BRIP1: variants seen among roughly 807,000 people sequenced by gnomAD.
The protein encoded by BRIP1 is BRCA1 interacting DNA helicase 1.
Under a neutral mutation model 119.7 loss-of-function variants are expected in BRIP1, and 88 were observed. The observed-to-expected ratio is 0.74, with a 90% CI of 0.62 to 0.88. The LOEUF (loss-of-function observed/expected upper bound fraction) is 0.88. Ranked by LOEUF, BRIP1 falls within the 40% of genes least tolerant of loss-of-function variation. BRIP1 has a pLI of 0.00. For synonymous variants in BRIP1, 443 were observed against 496.5 expected (o/e 0.89, Z 1.43); for missense variants, 1,259 against 1,455.4 (o/e 0.87, Z 2.20).
chr17:61,765,424 T>TA (rs71150697), intron 14 of BRIP1, among the ~76,000 whole-genome samples: 8 of 8,624 alleles, frequency 9.3e-4, no homozygotes, highest in African/African-American at 2.0e-3. Flanking sequence ...TATATATATA[T>TA]TTTTTTTTTT....
chr17:61,797,163 A>C (rs1198096333), intron 9 of BRIP1, among the ~76,000 whole-genome samples: 1 of 152,026 alleles, frequency 6.6e-6, no homozygotes, highest in Admixed American at 6.6e-5. Context: ...CCAGTACTGA[A>C]GATTATATTC....
At position 61,753,057 on chromosome 17, in the gene BRIP1, G is replaced by C. The variant is rs1322188637; in HGVS notation, c.2098-8466C>G. ...CTCATGAATGGATTTGTCCAGTCATGTATTAATGGCTTATCATGGGAGTGG... is the reference window on the plus strand; with the variant it reads ...CTCATGAATGGATTTGTCCAGTCATCTATTAATGGCTTATCATGGGAGTGG... On this transcript the variant is annotated intron_variant, in intron 14 of 19. Coordinates refer to ENST00000259008, the MANE Select transcript of BRIP1 (RefSeq NM_032043.3). This position sits in a 1 kb window ranked among gnomAD's most constrained non-coding sequence, Gnocchi z 4.6. Among the ~76,000 whole-genome samples the C allele has an allele frequency of 6.6e-6, 1 of 152,116 alleles. No homozygotes were observed. Among genetic ancestry groups the C allele is most frequent in the Non-Finnish European group, 1.5e-5 (1 of 68,028 alleles).
Position 61,776,118 on chromosome 17 carries a change from G to T in BRIP1, c.2097+283C>A. On this transcript the variant is annotated intron_variant, in intron 14 of 19. Coordinates refer to ENST00000259008, the MANE Select transcript of BRIP1 (RefSeq NM_032043.3). The surrounding 1 kb of genome is among the most constrained non-coding windows in gnomAD (Gnocchi z 5.0). ...GCTGGTCTCGAACTCCTGGGCTCAA[G>T]TGATCCTCCCAGCTCAGCCTCCCAA... The T allele has an allele frequency of 2.6e-6, 1 of 392,080 alleles. No homozygotes were observed. The highest frequency in any genetic ancestry group is 4.8e-6 in the Non-Finnish European group (1 of 209,082). 24.3% of individuals were successfully genotyped at this position (392,080 alleles called of 1,614,324 possible).
chr17:61,798,048 T>C lies in BRIP1; in HGVS notation c.1340+1052A>G, dbSNP rs1010279542. The stretch of plus-strand genomic sequence containing the variant: ...CCCAACAATTCCACTTCTAAAAAGA[T>C]TCCTATAGATATATTTGCATACAAA... On this transcript the variant is annotated intron_variant, in intron 9 of 19. Transcript: ENST00000259008. The surrounding 1 kb of genome is among the most constrained non-coding windows in gnomAD (Gnocchi z 5.5). Among the ~76,000 whole-genome samples, 2 of 152,008 alleles carry C rather than the reference T, an allele frequency of 1.3e-5. No individual in the cohort carries two copies. Among genetic ancestry groups the C allele is most frequent in the African/African-American group, 4.8e-5 (2 of 41,424 alleles).
Position 61,713,373 on chromosome 17 carries a change from C to T in BRIP1, c.2492+2578G>A, listed in dbSNP as rs573066403. Among the ~76,000 whole-genome samples, 4 of 152,028 alleles carry T rather than the reference C, an allele frequency of 2.6e-5. No homozygotes were observed. The South Asian group carries it at 6.2e-4, about 24-fold the overall frequency. Reference sequence around the variant, plus strand: ...CCTCAGGAAGAATTCCAGAAGAAGGCATTGTTATCACAGGAGATGACAGCT... The same window carrying T: ...CCTCAGGAAGAATTCCAGAAGAAGGTATTGTTATCACAGGAGATGACAGCT... On this transcript the variant is annotated intron_variant, in intron 17 of 19. Transcript: ENST00000259008. This position sits in a 1 kb window ranked among gnomAD's most constrained non-coding sequence, Gnocchi z 4.9.
rs189361984 is a variant in BRIP1, at chr17:61,825,626, T to C, written c.628-16869A>G. On this transcript the variant is annotated intron_variant, in intron 6 of 19. Coordinates refer to ENST00000259008, the MANE Select transcript of BRIP1 (RefSeq NM_032043.3). The surrounding 1 kb of genome is among the most constrained non-coding windows in gnomAD (Gnocchi z 4.1). ...CAATCCCATTCACAATTGCCACAAA[T>C]AAATAAATAAATAAATAAATAAATA... Among the ~76,000 whole-genome samples, 7 of 78,722 alleles carry C rather than the reference T, an allele frequency of 8.9e-5. No homozygotes were observed. The East Asian group carries it at 1.4e-3, about 16-fold the overall frequency. The allele number at this position is 78,722 out of a possible 152,430, so 51.6% of individuals were successfully genotyped here.
rs927441885 is a variant in BRIP1, at chr17:61,768,657, CT to C, written c.2097+7743del. 2.0e-5 allele frequency among the ~76,000 whole-genome samples: 3 copies of C among 152,086 alleles called. No individual in the cohort carries two copies. The highest frequency in any genetic ancestry group is 7.2e-5 in the African/African-American group (3 of 41,398). ...TTTTCTTACCCTGATAAATTAACCC[CT>C]GTGATAAAAAGTTTATGATAGCCCC... On this transcript the variant is annotated intron_variant, in intron 14 of 19. Coordinates refer to ENST00000259008, the MANE Select transcript of BRIP1 (RefSeq NM_032043.3). The surrounding 1 kb of genome is among the most constrained non-coding windows in gnomAD (Gnocchi z 5.0).
chr17:61,856,917 A>T lies in BRIP1; in HGVS notation c.379+141T>A, dbSNP rs1279785092. On this transcript the variant is annotated intron_variant, in intron 4 of 19. Coordinates refer to ENST00000259008, the MANE Select transcript of BRIP1 (RefSeq NM_032043.3). This position sits in a 1 kb window ranked among gnomAD's most constrained non-coding sequence, Gnocchi z 5.1. ...TATGGATTTTTGACCACTCTGTGCTATTTTAAAATCATTCCAGAGAAACTA... is the reference window on the plus strand; with the variant it reads ...TATGGATTTTTGACCACTCTGTGCTTTTTTAAAATCATTCCAGAGAAACTA... The T allele has an allele frequency of 1.2e-6, 1 of 858,720 alleles. No individual in the cohort carries two copies. Among genetic ancestry groups the T allele is most frequent in the South Asian group, 1.5e-5 (1 of 65,686 alleles). The allele number at this position is 858,720 out of a possible 1,614,324, so 53.2% of individuals were successfully genotyped here. A position where few individuals can be genotyped will look rare whatever the true frequency, so the allele number is the denominator to read the frequency against.
chr17:61,825,989 C>G lies in BRIP1; in HGVS notation c.628-17232G>C, dbSNP rs1300875398. Among the ~76,000 whole-genome samples, 1 of 152,106 alleles carries G rather than the reference C, an allele frequency of 6.6e-6. No homozygotes were observed. Reference sequence around the variant, plus strand: ...AACAAAGCTGGAGGCATCGCACTACCCAACTTCAAACTATACTACGTGGCT... The same window carrying G: ...AACAAAGCTGGAGGCATCGCACTACGCAACTTCAAACTATACTACGTGGCT... On this transcript the variant is annotated intron_variant, in intron 6 of 19. Coordinates refer to ENST00000259008, the MANE Select transcript of BRIP1 (RefSeq NM_032043.3). This position sits in a 1 kb window ranked among gnomAD's most constrained non-coding sequence, Gnocchi z 4.1.
At chr17:61,790,006 T>C (rs1010462828) in intron 10 of BRIP1, among the ~76,000 whole-genome samples, 6 of 152,084 alleles carry the variant, frequency 3.9e-5, no homozygotes, top group Non-Finnish European at 8.8e-5. Context: ...CATGTACACC[T>C]CACTAAATAC....
chr17:61,788,996 G>C (rs2077775176), intron 10 of BRIP1, among the ~76,000 whole-genome samples: 1 of 152,088 alleles, frequency 6.6e-6, no homozygotes, highest in African/African-American at 2.4e-5. Flanking sequence ...TGGGGGCGCT[G>C]AGGCACAAGA....
rs1227790578 is a variant in BRIP1 at position 61,769,056 on chromosome 17, A to C, written c.2097+7345T>G. Among the ~76,000 whole-genome samples the C allele has an allele frequency of 6.6e-6, 1 of 152,188 alleles. No homozygotes were observed. Among genetic ancestry groups the C allele is most frequent in the Non-Finnish European group, 1.5e-5 (1 of 68,032 alleles). On this transcript the variant is annotated intron_variant, in intron 14 of 19. Coordinates refer to ENST00000259008, the MANE Select transcript of BRIP1 (RefSeq NM_032043.3). This position sits in a 1 kb window ranked among gnomAD's most constrained non-coding sequence, Gnocchi z 4.9. ...GAGTCATCCTTAGCCAACAGCCCGC[A>C]AAAGACTGGGTATCTCACTCAGTCC... is the stretch of plus-strand genomic sequence containing the variant.
Position 61,806,659 on chromosome 17 carries a change from A to G in BRIP1, c.918+1808T>C, listed in dbSNP as rs760779062. On this transcript the variant is annotated intron_variant, in intron 7 of 19. Coordinates refer to ENST00000259008, the MANE Select transcript of BRIP1 (RefSeq NM_032043.3). This position sits in a 1 kb window ranked among gnomAD's most constrained non-coding sequence, Gnocchi z 4.9. ...TCAATACACAATCTTACACTTTATC[A>G]TTGCTTTTACCAATGTATTTTACCA... is the stretch of plus-strand genomic sequence containing the variant. 7.3e-5 allele frequency among the ~76,000 whole-genome samples: 11 copies of G among 150,992 alleles called. No homozygotes were observed. Among genetic ancestry groups the G allele is most frequent in the Non-Finnish European group, 1.5e-4 (10 of 67,876 alleles).
At chr17:61,859,229 T>G (rs1603367411) in intron 3 of BRIP1, among the ~76,000 whole-genome samples, 1 of 147,386 alleles carries the variant, frequency 6.8e-6, no homozygotes, top group Admixed American at 6.8e-5. Flanking sequence ...GCAAATATAT[T>G]AAAGGATTTC....
In BRIP1 at chr17:61,724,951, A is replaced by G. The variant is rs918878631; in HGVS notation, c.2380-8888T>C. ...TTAGAGACATTTGCTGCTCCGTATC[A>G]TCATAGTGTAAACACTTCTATCAGG... is the stretch of plus-strand genomic sequence containing the variant. On this transcript the variant is annotated intron_variant, in intron 16 of 19. Transcript: ENST00000259008. The surrounding 1 kb of genome is among the most constrained non-coding windows in gnomAD (Gnocchi z 5.1). 3.3e-5 allele frequency among the ~76,000 whole-genome samples: 5 copies of G among 152,236 alleles called. No individual in the cohort carries two copies. Among genetic ancestry groups the G allele is most frequent in the African/African-American group, 1.2e-4 (5 of 41,468 alleles).
At chr17:61,685,476 A>G (rs375098011) in intron 19 of BRIP1, 1 of 272,870 alleles carries the variant, frequency 3.7e-6, no homozygotes, top group East Asian at 7.1e-5. Flanking sequence ...TACCACTTAC[A>G]TGGTACTTTA....
rs891656647 is a variant in BRIP1, at chr17:61,743,442, T to C, written c.2258-308A>G. 6.6e-6 allele frequency among the ~76,000 whole-genome samples: 1 copy of C among 152,290 alleles called. No individual in the cohort carries two copies. The highest frequency in any genetic ancestry group is 6.5e-5 in the Admixed American group (1 of 15,290). ...AACTGTGTGATTATAAACAGGTTTA[T>C]TTAATAAAAATTGAAGTTGCATTAT... On this transcript the variant is annotated intron_variant, in intron 15 of 19. Transcript: ENST00000259008. The surrounding 1 kb of genome is among the most constrained non-coding windows in gnomAD (Gnocchi z 4.3).
In BRIP1 at chr17:61,708,019, G is replaced by A. The variant is rs2061719043; in HGVS notation, c.2492+7932C>T. On this transcript the variant is annotated intron_variant, in intron 17 of 19. Transcript: ENST00000259008. The surrounding 1 kb of genome is among the most constrained non-coding windows in gnomAD (Gnocchi z 4.4). ...GCGCCACCATACCTGGCTAATTTTT[G>A]TATTTTTAGTAGAGATGGGGTTTCA... is the stretch of plus-strand genomic sequence containing the variant. Among the ~76,000 whole-genome samples, 1 of 151,966 alleles carries A rather than the reference G, an allele frequency of 6.6e-6. No homozygotes were observed. Among genetic ancestry groups the A allele is most frequent in the African/African-American group, 2.4e-5 (1 of 41,366 alleles).
rs1360575976 is a variant in BRIP1 at position 61,755,020 on chromosome 17, T to C, written c.2098-10429A>G. Reference sequence around the variant, plus strand: ...CATCTAACATATTAGTAGCTTTCTGTGTCTCTCATTTATTTTCTGTCTCTC... The same window carrying C: ...CATCTAACATATTAGTAGCTTTCTGCGTCTCTCATTTATTTTCTGTCTCTC... On this transcript the variant is annotated intron_variant, in intron 14 of 19. Coordinates refer to ENST00000259008, the MANE Select transcript of BRIP1 (RefSeq NM_032043.3). The surrounding 1 kb of genome is among the most constrained non-coding windows in gnomAD (Gnocchi z 4.5). Among the ~76,000 whole-genome samples the C allele has an allele frequency of 6.6e-6, 1 of 152,206 alleles. No homozygotes were observed. The highest frequency in any genetic ancestry group is 2.4e-5 in the African/African-American group (1 of 41,452).
Sources: allele counts gnomAD v4.1 joint callset (sites outside exome capture counted in the v4.1 genomes callset), GRCh38; gene constraint gnomAD v4.1.1; non-coding constraint Gnocchi (gnomAD v3.1); transcripts MANE v1.5; gene names NCBI Gene and HGNC (gene_info 2026-07-23, HGNC 2026-07-21).